GSE1: variants seen among roughly 807,000 people sequenced by gnomAD.
The protein encoded by GSE1 is Gse1 coiled-coil protein, also known as genetic suppressor element 1.
A neutral mutation model predicts 112.6 loss-of-function variants in GSE1; 32 were observed. The observed-to-expected ratio is 0.28, with a 90% confidence interval of 0.21 to 0.38. The LOEUF is 0.38. Ranked by LOEUF, GSE1 falls within the 10% of genes least tolerant of loss-of-function variation. The pLI, the probability that GSE1 is intolerant of heterozygous loss-of-function variation, is 1.00. For missense variants in GSE1, 2,348 were observed against 1,699.2 expected (o/e 1.38, Z -6.71); for synonymous variants, 1,115 against 735.6 (o/e 1.52, Z -8.35).
intron 1 of GSE1, among the ~76,000 whole-genome samples, chr16:85,258,329 G>A (rs571424065): frequency 2.0e-4 from 30 of 152,220 alleles, no homozygotes; most frequent in Non-Finnish European, 3.2e-4. Flanking sequence ...GATCTCAGCC[G>A]AGCATCTGTC....
intron 2 of GSE1, among the ~76,000 whole-genome samples, chr16:85,382,975 TCA>T (rs1345589807): frequency 1.4e-5 from 2 of 142,650 alleles, no homozygotes; most frequent in African/African-American, 2.8e-5. Context: ...ACATGCACGC[TCA>T]CACGCACACA....
chr16:85,210,073 G>A (rs2075198306), intron 1 of GSE1, among the ~76,000 whole-genome samples: 1 of 152,200 alleles, frequency 6.6e-6, no homozygotes, highest in Admixed American at 6.5e-5. Flanking sequence ...CTCGGTGCTG[G>A]TGAGCTGCAA....
intron 1 of GSE1, among the ~76,000 whole-genome samples, chr16:85,303,538 T>C (rs1036451172): frequency 3.9e-5 from 6 of 152,226 alleles, no homozygotes; most frequent in Admixed American, 2.0e-4. Flanking sequence ...ACTCGCTCAT[T>C]GGACCTTCCC....
At chr16:85,387,857 T>A (rs1167192879) in intron 2 of GSE1, among the ~76,000 whole-genome samples, 2 of 152,196 alleles carry the variant, frequency 1.3e-5, no homozygotes, top group Non-Finnish European at 2.9e-5. Flanking sequence ...CATGGACGGA[T>A]GATTGGATGA....
At chr16:85,608,056 C>T (rs1009446210), upstream of GSE1, among the ~76,000 whole-genome samples, 2 of 152,208 alleles carry the variant, frequency 1.3e-5, no homozygotes, top group African/African-American at 4.8e-5. Context: ...GGGACGCAAC[C>T]TGGAGAGATG....
At chr16:85,261,280 C>G (rs1231861037) in intron 1 of GSE1, among the ~76,000 whole-genome samples, 2 of 152,202 alleles carry the variant, frequency 1.3e-5, no homozygotes, top group African/African-American at 4.8e-5. Flanking sequence ...TCATACCTAC[C>G]CTTGGGGGCA....
intron 2 of GSE1, among the ~76,000 whole-genome samples, chr16:85,489,259 C>G (rs901854238): frequency 1.3e-5 from 2 of 152,004 alleles, no homozygotes; most frequent in African/African-American, 4.8e-5. Flanking sequence ...CCCAGCCAGC[C>G]CCTCCCCATC....
At chr16:85,197,038 C>T (rs1158942506) in intron 1 of GSE1, among the ~76,000 whole-genome samples, 3 of 152,152 alleles carry the variant, frequency 2.0e-5, no homozygotes, top group African/African-American at 4.8e-5. Context: ...TTAACTTCTG[C>T]GTTTCCTGTG....
intron 2 of GSE1, among the ~76,000 whole-genome samples, chr16:85,542,989 A>G (rs769936004): frequency 9.2e-5 from 14 of 152,168 alleles, no homozygotes; most frequent in Non-Finnish European, 1.5e-4. Context: ...GCACTTTGGG[A>G]GGCCAAGGTG....
intron 1 of GSE1, among the ~76,000 whole-genome samples, chr16:85,224,032 T>C (rs904490561): frequency 1.3e-5 from 2 of 151,948 alleles, no homozygotes; most frequent in African/African-American, 2.4e-5. Flanking sequence ...CCAGCCCCAT[T>C]ATCAGCACCA....
At chr16:85,613,310 G>A, upstream of GSE1, 1 of 1,546,970 alleles carries the variant, frequency 6.5e-7, no homozygotes, top group Non-Finnish European at 8.7e-7. Context: ...AGCAGCCCCG[G>A]GTGAGATAAG....
At chr16:85,366,948 G>A (rs1022724067) in intron 2 of GSE1, among the ~76,000 whole-genome samples, 1 of 152,212 alleles carries the variant, frequency 6.6e-6, no homozygotes, top group African/African-American at 2.4e-5. Context: ...TGGAGCTTAG[G>A]GTGGGGTGTC....
intron 2 of GSE1, among the ~76,000 whole-genome samples, chr16:85,369,348 C>G (rs899382593): frequency 7.9e-5 from 12 of 152,048 alleles, no homozygotes; most frequent in African/African-American, 2.7e-4. Context: ...TCCCAAGTAG[C>G]TGGGATTACA....
intron 2 of GSE1, among the ~76,000 whole-genome samples, chr16:85,513,780 C>T (rs2051825240): frequency 6.6e-6 from 1 of 152,150 alleles, no homozygotes; most frequent in Non-Finnish European, 1.5e-5. Context: ...CTTGGAGCCC[C>T]CCACCCCCGG....
At chr16:85,648,801 G>A in intron 3 of GSE1, 50 bp downstream of exon 3, 4 of 1,121,344 alleles carry the variant, frequency 3.6e-6, no homozygotes, top group Non-Finnish European at 5.1e-6. Context: ...GGGGAGGCTG[G>A]ATTCAGGCAT....
At chr16:85,200,258 G>C (rs953180360) in intron 1 of GSE1, among the ~76,000 whole-genome samples, 1 of 152,030 alleles carries the variant, frequency 6.6e-6, no homozygotes, top group African/African-American at 2.4e-5. Context: ...CTCGGGACAG[G>C]GACCTCATAG....
At position 85,605,709 on chromosome 16, in the gene GSE1, C is replaced by T. The variant is rs1434901800; in HGVS notation, c.38-42843C>T. Among the ~76,000 whole-genome samples, 2 of 151,946 alleles carry T rather than the reference C, an allele frequency of 1.3e-5. 1 individual carries two copies. Among genetic ancestry groups the T allele is most frequent in the African/African-American group, 4.8e-5 (2 of 41,254 alleles). On this transcript the variant is annotated intron_variant, in intron 1 of 2. Transcript: ENST00000635906. ...CTCCAAAGCCACATTTTAACGTTTGCTGTCTGGGTGGTCATTGAATGGGGT... is the reference window on the plus strand; with the variant it reads ...CTCCAAAGCCACATTTTAACGTTTGTTGTCTGGGTGGTCATTGAATGGGGT...
At chr16:85,397,823 AG>A (rs1435747814) in intron 2 of GSE1, among the ~76,000 whole-genome samples, 2 of 152,168 alleles carry the variant, frequency 1.3e-5, no homozygotes, top group African/African-American at 4.8e-5. Flanking sequence ...ATTTAAATTC[AG>A]GAGCTTCCCC....
At chr16:85,279,254 G>A (rs578040813) in intron 1 of GSE1, among the ~76,000 whole-genome samples, 1 of 152,302 alleles carries the variant, frequency 6.6e-6, no homozygotes, top group South Asian at 2.1e-4. Flanking sequence ...TACTCTACGG[G>A]TTCTATTCTC....
Sources: allele counts gnomAD v4.1 joint callset (sites outside exome capture counted in the v4.1 genomes callset), GRCh38; gene constraint gnomAD v4.1.1; transcripts MANE v1.5; gene names NCBI Gene and HGNC (gene_info 2026-07-23, HGNC 2026-07-21).